ACTL8: variants seen among roughly 807,000 people sequenced by gnomAD.
ACTL8 encodes the protein actin like 8, also known as actin-like protein 8.
A neutral mutation model predicts 9.3 loss-of-function variants in ACTL8; 3 were observed. The ratio of observed to expected loss-of-function variants is 0.32; its 90% confidence interval spans 0.15 to 0.83. The LOEUF is 0.83. Ranked by LOEUF, ACTL8 falls within the 40% of genes least tolerant of loss-of-function variation. The pLI is 0.57. For synonymous variants in ACTL8, 224 were observed against 205.9 expected, an observed-to-expected ratio of 1.09 and a Z score of -0.75; for missense variants, 381 against 492.2, an observed-to-expected ratio of 0.77 and a Z score of 2.14.
At chr1:17,783,956 C>T (rs370060428) in intron 1 of ACTL8, among the ~76,000 whole-genome samples, 2 of 152,216 alleles carry the variant, frequency 1.3e-5, no homozygotes, top group African/African-American at 4.8e-5. Flanking sequence ...TTCCATTCTG[C>T]CTCTCAAATT....
intron 1 of ACTL8, among the ~76,000 whole-genome samples, chr1:17,780,462 G>A (rs980247852): frequency 6.6e-6 from 1 of 152,188 alleles, no homozygotes; most frequent in African/African-American, 2.4e-5. Context: ...GCCTCCTGCT[G>A]TGGGATGCAG....
intron 1 of ACTL8, among the ~76,000 whole-genome samples, chr1:17,787,974 T>C (rs1453485031): frequency 6.6e-6 from 1 of 152,212 alleles, no homozygotes; most frequent in Non-Finnish European, 1.5e-5. Flanking sequence ...ATTGTTGCTT[T>C]CCATTTTCAT....
At chr1:17,780,217 A>G (rs11577845) in intron 1 of ACTL8, among the ~76,000 whole-genome samples, 42,250 of 151,928 alleles carry the variant, frequency 0.28, 6,501 homozygotes, top group Admixed American at 0.37. Flanking sequence ...TTGAAAAAAA[A>G]CCCCAAAAAC....
chr1:17,804,105 C>T (rs2066341644), intron 1 of ACTL8, among the ~76,000 whole-genome samples: 1 of 152,200 alleles, frequency 6.6e-6, no homozygotes, highest in Admixed American at 6.5e-5. Context: ...GCTTCAGGAG[C>T]AGTTTGATCC....
intron 1 of ACTL8, among the ~76,000 whole-genome samples, chr1:17,780,844 A>G (rs1311551119): frequency 6.6e-6 from 1 of 152,180 alleles, no homozygotes; most frequent in East Asian, 1.9e-4. Context: ...CCTGGCCTGG[A>G]CATTCAGATT....
chr1:17,789,522 G>A (rs2066222730), intron 1 of ACTL8, among the ~76,000 whole-genome samples: 1 of 152,156 alleles, frequency 6.6e-6, no homozygotes, highest in Non-Finnish European at 1.5e-5. Context: ...GGATGTTTCA[G>A]TCTTGGTGGT....
At chr1:17,821,931 T>C (rs773813985) in intron 1 of ACTL8, among the ~76,000 whole-genome samples, 1 of 152,184 alleles carries the variant, frequency 6.6e-6, no homozygotes, top group Non-Finnish European at 1.5e-5. Context: ...TGGCCTTGAC[T>C]ATTCTTTTAC....
At chr1:17,803,582 C>T (rs115270987) in intron 1 of ACTL8, among the ~76,000 whole-genome samples, 6,036 of 152,240 alleles carry the variant, frequency 0.04, 409 homozygotes, top group African/African-American at 0.14. Flanking sequence ...CCATGTGCCT[C>T]GGCCTCTGAA....
Position 17,823,466 on chromosome 1 carries a change from G to C in ACTL8, c.348+110G>C. ...GCTTTTTAAGATAAATTGCCAACCAGGTGTGGTGGCTTATGCCTGTAATCC... is the reference window on the plus strand; with the variant it reads ...GCTTTTTAAGATAAATTGCCAACCACGTGTGGTGGCTTATGCCTGTAATCC... On this transcript the variant is annotated intron_variant, in intron 2 of 2. Coordinates refer to ENST00000375406, the MANE Select transcript of ACTL8 (RefSeq NM_030812.3). The surrounding 1 kb of genome is among the most constrained non-coding windows in gnomAD (Gnocchi z 5.3). 9.2e-7 allele frequency: 1 copy of C among 1,087,970 alleles called. No homozygotes were observed. The highest frequency in any genetic ancestry group is 1.3e-6 in the Non-Finnish European group (1 of 774,850). The allele number at this position is 1,087,970 out of a possible 1,614,324, so 67.4% of individuals were successfully genotyped here.
At chr1:17,781,144 A>G (rs1379273148) in intron 1 of ACTL8, among the ~76,000 whole-genome samples, 2 of 151,416 alleles carry the variant, frequency 1.3e-5, no homozygotes, top group African/African-American at 2.4e-5. Flanking sequence ...TGGCTGCATC[A>G]CTGCCATCTC....
At chr1:17,803,342 T>TAA (rs1350897423) in intron 1 of ACTL8, among the ~76,000 whole-genome samples, 1 of 152,236 alleles carries the variant, frequency 6.6e-6, no homozygotes, top group Non-Finnish European at 1.5e-5. Context: ...CTTTCCTTTA[T>TAA]AAATTACCCA....
At chr1:17,756,235 G>A (rs1413682322) in intron 1 of ACTL8, among the ~76,000 whole-genome samples, 1 of 152,080 alleles carries the variant, frequency 6.6e-6, no homozygotes. Context: ...AGCCCTGGGG[G>A]CCTCTTCTTG....
chr1:17,792,608 A>G (rs1487202292), intron 1 of ACTL8, among the ~76,000 whole-genome samples: 2 of 151,586 alleles, frequency 1.3e-5, no homozygotes, highest in East Asian at 3.9e-4. Flanking sequence ...CTGCCGTTTG[A>G]CCCCCACTCC....
intron 1 of ACTL8, among the ~76,000 whole-genome samples, chr1:17,769,051 C>T (rs1424293744): frequency 6.6e-6 from 1 of 152,134 alleles, no homozygotes; most frequent in African/African-American, 2.4e-5. Flanking sequence ...GGTTAAGTGA[C>T]TTGGACAAAG....
At chr1:17,775,568 A>G (rs2066113065) in intron 1 of ACTL8, among the ~76,000 whole-genome samples, 1 of 152,206 alleles carries the variant, frequency 6.6e-6, no homozygotes, top group African/African-American at 2.4e-5. Flanking sequence ...ACAGGCCTGG[A>G]CCAGGTATAC....
At chr1:17,780,935 C>CT (rs1278559368) in intron 1 of ACTL8, among the ~76,000 whole-genome samples, 1 of 152,158 alleles carries the variant, frequency 6.6e-6, no homozygotes, top group African/African-American at 2.4e-5. Context: ...TGTTAATTTC[C>CT]TTTGGTTGCC....
At chr1:17,755,848 T>C (rs2102670248) in intron 1 of ACTL8, among the ~76,000 whole-genome samples, 1 of 151,176 alleles carries the variant, frequency 6.6e-6, no homozygotes, top group African/African-American at 2.4e-5. Flanking sequence ...CTCAGCCTGG[T>C]GGAGGGTCCC....
chr1:17,779,125 T>C (rs2066135520), intron 1 of ACTL8, among the ~76,000 whole-genome samples: 1 of 152,164 alleles, frequency 6.6e-6, no homozygotes, highest in African/African-American at 2.4e-5. Context: ...CCAGATGTGC[T>C]AAACGACTCA....
intron 1 of ACTL8, among the ~76,000 whole-genome samples, chr1:17,820,078 C>T (rs1303294229): frequency 1.3e-5 from 2 of 152,148 alleles, no homozygotes; most frequent in East Asian, 3.8e-4. Flanking sequence ...TTAACAAATG[C>T]ATACAGAAGT....
Sources: gnomAD v4.1 joint callset for allele counts (sites outside exome capture counted in the v4.1 genomes callset) on GRCh38, gnomAD v4.1.1 for gene constraint, Gnocchi (gnomAD v3.1) non-coding constraint, MANE v1.5 for transcripts, NCBI Gene and HGNC (gene_info 2026-07-23, HGNC 2026-07-21) for gene names.